KCNQ3: variants seen among roughly 807,000 people sequenced by gnomAD.
The protein encoded by KCNQ3 is potassium voltage-gated channel subfamily KQT member 3.
In KCNQ3, 30 loss-of-function variants were observed where a neutral mutation model predicts 92.5. That is an observed-to-expected ratio of 0.32 (90% CI 0.24 to 0.44). The LOEUF (loss-of-function observed/expected upper bound fraction) is 0.44. KCNQ3 is among the 20% of genes least tolerant of loss of function. The pLI is 1.00. For synonymous variants in KCNQ3, 450 were observed against 468.8 expected, an observed-to-expected ratio of 0.96 and a Z score of 0.52; for missense variants, 913 against 1,140.3, an observed-to-expected ratio of 0.80 and a Z score of 2.87.
intron 7 of KCNQ3, among the ~76,000 whole-genome samples, chr8:132,172,397 T>C (rs972816238): frequency 7.1e-6 from 1 of 140,392 alleles, no homozygotes; most frequent in African/African-American, 2.6e-5. Context: ...GGCACATTAA[T>C]ACACACACAC....
In KCNQ3 at chr8:132,343,291, T is replaced by A. The variant is rs1208192494; in HGVS notation, c.386+136856A>T. ...TGTTCCAGACCCTGTGCCAGGCACA[T>A]GGAAGACACATCTTTGTTTATACCC... is the stretch of plus-strand genomic sequence containing the variant. On this transcript the variant is annotated intron_variant, in intron 1 of 14. Transcript: ENST00000388996. 3.9e-5 allele frequency among the ~76,000 whole-genome samples: 6 copies of A among 152,210 alleles called. No individual in the cohort carries two copies. In the East Asian group the frequency reaches 1.2e-3, roughly 29 times the overall value.
rs528803045 is a variant in KCNQ3 at position 132,348,840 on chromosome 8, C to T, written c.386+131307G>A. 2.0e-4 allele frequency among the ~76,000 whole-genome samples: 31 copies of T among 152,266 alleles called. No homozygotes were observed. The East Asian group carries it at 4.8e-3, about 24-fold the overall frequency. ...TTTCACATATGTGGTAGTGAATGTC[C>T]GCATTTTGGCAGAATTTAGTCATAA... On this transcript the variant is annotated intron_variant, in intron 1 of 14. Transcript: ENST00000388996.
In KCNQ3 at chr8:132,126,333, T is replaced by G. The variant is rs1280838602; in HGVS notation, c.*2929A>C. 1.3e-5 allele frequency: 2 copies of G among 152,152 alleles called. No homozygotes were observed. The highest frequency in any genetic ancestry group is 4.8e-5 in the African/African-American group (2 of 41,436). The allele number at this position is 152,152 out of a possible 1,614,324, so 9.4% of individuals were successfully genotyped here. On this transcript the variant is annotated 3_prime_UTR_variant, in exon 15 of 15. Transcript: ENST00000388996. ...GGATCTTTGTGAAAGCACACACTGT[T>G]TCTTCCCATAACTCACATTCAATTC...
chr8:132,291,337 G>A (rs139814114), intron 1 of KCNQ3, among the ~76,000 whole-genome samples: 1 of 152,264 alleles, frequency 6.6e-6, no homozygotes, highest in Non-Finnish European at 1.5e-5. Flanking sequence ...CTTTGCAAAA[G>A]TACCAATAAA....
intron 1 of KCNQ3, among the ~76,000 whole-genome samples, chr8:132,281,420 A>G (rs1312376126): frequency 6.6e-6 from 1 of 152,110 alleles, no homozygotes; most frequent in African/African-American, 2.4e-5. Context: ...AAAAACATAC[A>G]CACATATATT....
At chr8:132,435,384 G>A (rs1587016684) in intron 1 of KCNQ3, among the ~76,000 whole-genome samples, 1 of 152,218 alleles carries the variant, frequency 6.6e-6, no homozygotes, top group Non-Finnish European at 1.5e-5. Context: ...TTCAGCCAGA[G>A]GCGGGGAGGG....
At chr8:132,151,912 C>A (rs1825646401) in intron 9 of KCNQ3, among the ~76,000 whole-genome samples, 1 of 152,098 alleles carries the variant, frequency 6.6e-6, no homozygotes, top group Non-Finnish European at 1.5e-5. Context: ...TGAATAACAT[C>A]AATATATGTT....
At chr8:132,472,117 C>T (rs1205111587) in intron 1 of KCNQ3, among the ~76,000 whole-genome samples, 1 of 152,018 alleles carries the variant, frequency 6.6e-6, no homozygotes, top group Non-Finnish European at 1.5e-5. Flanking sequence ...ATAACAGATG[C>T]TGATGGGGAT....
chr8:132,434,912 T>C (rs1417534029), intron 1 of KCNQ3, among the ~76,000 whole-genome samples: 1 of 152,238 alleles, frequency 6.6e-6, no homozygotes, highest in Admixed American at 6.5e-5. Flanking sequence ...TCATTATTAC[T>C]TGAAACCAAT....
chr8:132,417,393 C>T (rs1167124953), intron 1 of KCNQ3, among the ~76,000 whole-genome samples: 1 of 152,170 alleles, frequency 6.6e-6, no homozygotes, highest in Non-Finnish European at 1.5e-5. Flanking sequence ...CCACCCATCT[C>T]CTGCTGGTTC....
intron 1 of KCNQ3, among the ~76,000 whole-genome samples, chr8:132,431,731 C>G (rs887644814): frequency 2.0e-5 from 3 of 152,220 alleles, no homozygotes; most frequent in African/African-American, 7.2e-5. Flanking sequence ...TCTTCACTGT[C>G]ATGGCCTTAT....
At chr8:132,451,830 C>A (rs72721083) in intron 1 of KCNQ3, among the ~76,000 whole-genome samples, 1 of 152,040 alleles carries the variant, frequency 6.6e-6, no homozygotes, top group Non-Finnish European at 1.5e-5. Context: ...ACAGGAGCAG[C>A]GGGAAGGTGG....
intron 1 of KCNQ3, among the ~76,000 whole-genome samples, chr8:132,293,333 T>C (rs567836793): frequency 1.3e-5 from 2 of 152,072 alleles, no homozygotes; most frequent in Non-Finnish European, 2.9e-5. Flanking sequence ...GGGAGGCAGT[T>C]TGAGGACTGA....
At chr8:132,236,419 A>T (rs942986511) in intron 1 of KCNQ3, among the ~76,000 whole-genome samples, 7 of 152,224 alleles carry the variant, frequency 4.6e-5, no homozygotes, top group Non-Finnish European at 7.3e-5. Flanking sequence ...AAGTTAAAAC[A>T]AAAGGCAAAG....
chr8:132,321,102 GT>G (rs1219294803), intron 1 of KCNQ3, among the ~76,000 whole-genome samples: 1 of 152,226 alleles, frequency 6.6e-6, no homozygotes, highest in Non-Finnish European at 1.5e-5. Flanking sequence ...GACCACAGCT[GT>G]AGGTTGTGGT....
intron 1 of KCNQ3, among the ~76,000 whole-genome samples, chr8:132,436,136 T>C (rs1821388478): frequency 6.6e-6 from 1 of 152,236 alleles, no homozygotes; most frequent in African/African-American, 2.4e-5. Flanking sequence ...TAATGCCAGA[T>C]AAAACAACCT....
chr8:132,224,081 ATTTTT>A (rs1164773143), intron 1 of KCNQ3, among the ~76,000 whole-genome samples: 36 of 39,472 alleles, frequency 9.1e-4, no homozygotes, highest in African/African-American at 2.6e-3. Context: ...ATGCCAGGCT[ATTTTT>A]TTTTTTTTTT....
chr8:132,226,683 G>C (rs1181595913), intron 1 of KCNQ3, among the ~76,000 whole-genome samples: 3 of 152,118 alleles, frequency 2.0e-5, no homozygotes, highest in Non-Finnish European at 2.9e-5. Flanking sequence ...ACCCCGGGAA[G>C]ACAGCAGGGT....
chr8:132,204,320 C>T (rs1813584516), intron 1 of KCNQ3, among the ~76,000 whole-genome samples: 1 of 152,198 alleles, frequency 6.6e-6, no homozygotes, highest in South Asian at 2.1e-4. Flanking sequence ...TCTATGTTTT[C>T]ATATTCTTCC....
Sources: allele counts gnomAD v4.1 joint callset (sites outside exome capture counted in the v4.1 genomes callset), GRCh38; gene constraint gnomAD v4.1.1; transcripts MANE v1.5; gene names NCBI Gene and HGNC (gene_info 2026-07-23, HGNC 2026-07-21).